The following FZD4 variants were observed in gnomAD, a reference collection of about 807,000 sequenced individuals.
The protein encoded by FZD4 is frizzled-4.
Under a neutral mutation model 37.3 loss-of-function variants are expected in FZD4, and 16 were observed. The observed-to-expected ratio is 0.43, with a 90% CI of 0.29 to 0.65. The LOEUF is 0.65. Among genes scored for constraint, FZD4 ranks in the 30% least tolerant of loss-of-function variants. The probability of loss-of-function intolerance (pLI) is 0.16; values close to 1 mark genes in which losing one functional copy is unlikely to be tolerated. For synonymous variants in FZD4, 246 were observed against 254.8 expected, an observed-to-expected ratio of 0.97 and a Z score of 0.33; for missense variants, 599 against 674.3, an observed-to-expected ratio of 0.89 and a Z score of 1.24.
rs1949325090 is a variant in FZD4 at position 86,955,069 on chromosome 11, G to A, written c.17C>T (p.Ala6Val). Residue 6 changes from alanine (A) to valine (V), a missense_variant, in exon 1 of 2, where the codon GCA becomes GTA. Around this residue, in one of 3 missense-constraint regions of FZD4, gnomAD observed 357 missense variants for 396.1 expected, o/e 0.90. Transcript: ENST00000531380. ...GGGCGCCCCCGGGACGCTCGGCCCT[G>A]CGCCCCGCCAGGCCATGGCCAGCAT... MAWRG[A>V]GPSVPGAPGG... 2.6e-6 allele frequency: 4 copies of A among 1,568,222 alleles called. No individual in the cohort carries two copies. The highest frequency in any genetic ancestry group is 3.4e-6 in the Non-Finnish European group (4 of 1,161,096).
chr11:86,951,079 A>T lies in FZD4; in HGVS notation c.*63T>A. 6.4e-7 allele frequency: 1 copy of T among 1,564,578 alleles called. No individual in the cohort carries two copies. Among genetic ancestry groups the T allele is most frequent in the Non-Finnish European group, 8.8e-7 (1 of 1,135,212 alleles). ...TTCACTGCATAAAACTTTTAGTAGAATTTCCTCCAAAATGCTGGCATTCCC... is the reference window on the plus strand; with the variant it reads ...TTCACTGCATAAAACTTTTAGTAGATTTTCCTCCAAAATGCTGGCATTCCC... On this transcript the variant is annotated 3_prime_UTR_variant, in exon 2 of 2. Transcript: ENST00000531380.
chr11:86,955,133 G>A lies in FZD4; in HGVS notation c.-48C>T. 1 of 1,387,526 alleles carries A rather than the reference G, an allele frequency of 7.2e-7. No individual in the cohort carries two copies. The highest frequency in any genetic ancestry group is 9.4e-7 in the Non-Finnish European group (1 of 1,068,316). The allele number at this position is 1,387,526 out of a possible 1,614,324, so 86.0% of individuals were successfully genotyped here. On this transcript the variant is annotated 5_prime_UTR_variant, in exon 1 of 2. Coordinates refer to ENST00000531380, the MANE Select transcript of FZD4 (RefSeq NM_012193.4). ...GGCAGCGGCTGGGGCTGCTCTGGCA[G>A]ACACCCCCAGTTTGCACGGGGGCGC... is the stretch of plus-strand genomic sequence containing the variant.
Position 86,947,288 on chromosome 11 carries a change from T to A in FZD4, c.*3854A>T, listed in dbSNP as rs2135033796. On this transcript the variant is annotated 3_prime_UTR_variant, in exon 2 of 2. Coordinates refer to ENST00000531380, the MANE Select transcript of FZD4 (RefSeq NM_012193.4). Reference sequence around the variant, plus strand: ...GTGCTCAATGGCTCCCTTCCCTAACTGCAGCTGTGGTCACCTCACCAGAAA... The same window carrying A: ...GTGCTCAATGGCTCCCTTCCCTAACAGCAGCTGTGGTCACCTCACCAGAAA... 1 of 159,548 alleles carries A rather than the reference T, an allele frequency of 6.3e-6. No individual in the cohort carries two copies. The highest frequency in any genetic ancestry group is 2.4e-5 in the African/African-American group (1 of 41,672). 9.9% of individuals were successfully genotyped at this position (159,548 alleles called of 1,614,324 possible).
In FZD4 at chr11:86,954,959, GCTCTTCCTCGTCC is replaced by G; in HGVS notation, c.114_126del (p.Asp39GlyfsTer18). 10 of 1,613,598 alleles carry G rather than the reference GCTCTTCCTCGTCC, an allele frequency of 6.2e-6. No homozygotes were observed. Among genetic ancestry groups the G allele is most frequent in the Non-Finnish European group, 7.6e-6 (9 of 1,179,884 alleles). On this transcript the variant is annotated frameshift_variant, in exon 1 of 2. Coordinates refer to ENST00000531380, the MANE Select transcript of FZD4 (RefSeq NM_012193.4). LOFTEE classifies it high-confidence loss of function. The stretch of plus-strand genomic sequence containing the variant: ...GAGATGCGGATGGGGTCGCAGCGCC[GCTCTTCCTCGTCC>G]CCGAAGCCCCGCGCCGGCCCCAGGA...
chr11:86,953,607 G>T (rs1590944622), intron 1 of FZD4, among the ~76,000 whole-genome samples: 1 of 151,976 alleles, frequency 6.6e-6, no homozygotes, highest in South Asian at 2.1e-4. Context: ...CAGAACCACA[G>T]ATTTCTTTTC....
At chr11:86,954,780 G>A (rs1363719108) in intron 1 of FZD4, 21 bp downstream of exon 1, 2 of 1,587,192 alleles carry the variant, frequency 1.3e-6, no homozygotes, top group African/African-American at 1.3e-5. Context: ...TCCCGCCAGG[G>A]GTGGGGGTGG....
chr11:86,953,887 T>A (rs1237037775), intron 1 of FZD4, among the ~76,000 whole-genome samples: 1 of 152,184 alleles, frequency 6.6e-6, no homozygotes, highest in Non-Finnish European at 1.5e-5. Context: ...AGTGCTGGGA[T>A]TACAGGCGTG....
intron 1 of FZD4, chr11:86,954,346 T>C (rs1949318603): frequency 1.0e-6 from 1 of 985,370 alleles, no homozygotes; most frequent in Non-Finnish European, 1.2e-6. Context: ...GAAGGGGCTA[T>C]TCAGCAGAAA....
rs537438989 is a variant in FZD4, at chr11:86,950,004, A to G, written c.*1138T>C. On this transcript the variant is annotated 3_prime_UTR_variant, in exon 2 of 2. Transcript: ENST00000531380. ...TTCTTATGCTTTAAAAAATAAAAAAATTTTTAAAGGCACTATCATTCTGAG... is the reference window on the plus strand; with the variant it reads ...TTCTTATGCTTTAAAAAATAAAAAAGTTTTTAAAGGCACTATCATTCTGAG... 1 of 152,414 alleles carries G rather than the reference A, an allele frequency of 6.6e-6. No individual in the cohort carries two copies. Among genetic ancestry groups the G allele is most frequent in the South Asian group, 2.1e-4 (1 of 4,828 alleles). 9.4% of individuals were successfully genotyped at this position (152,414 alleles called of 1,614,324 possible). A position where few individuals can be genotyped will look rare whatever the true frequency, so the allele number is the denominator to read the frequency against.
At chr11:86,953,684 C>A (rs1258957245) in intron 1 of FZD4, among the ~76,000 whole-genome samples, 2 of 151,944 alleles carry the variant, frequency 1.3e-5, no homozygotes, top group Non-Finnish European at 2.9e-5. Flanking sequence ...TGGTGCAATC[C>A]CCGCTCACTG....
In FZD4 at chr11:86,955,386, C is replaced by T. The variant is rs981635828; in HGVS notation, c.-301G>A. The T allele has an allele frequency of 5.0e-5, 14 of 279,104 alleles. No individual in the cohort carries two copies. The highest frequency in any genetic ancestry group is 8.6e-5 in the Non-Finnish European group (13 of 150,490). 17.3% of individuals were successfully genotyped at this position (279,104 alleles called of 1,614,324 possible). A position where few individuals can be genotyped will look rare whatever the true frequency, so the allele number is the denominator to read the frequency against. ...CGAGGCCAGCCAGCAGCCAGCGCTG[C>T]GCAGCTCTCACCGCCGGAGCCCTGC... On this transcript the variant is annotated 5_prime_UTR_variant, in exon 1 of 2. Transcript: ENST00000531380.
chr11:86,947,588 T>A lies in FZD4; in HGVS notation c.*3554A>T, dbSNP rs1342127049. On this transcript the variant is annotated 3_prime_UTR_variant, in exon 2 of 2. Transcript: ENST00000531380. Reference sequence around the variant, plus strand: ...TGGGAGAGGAAAATCAGAAAGCATCTCTGAAATTAAAAAAATGTCACCCCT... The same window carrying A: ...TGGGAGAGGAAAATCAGAAAGCATCACTGAAATTAAAAAAATGTCACCCCT... The A allele has an allele frequency of 6.6e-6, 1 of 152,162 alleles. No homozygotes were observed. The highest frequency in any genetic ancestry group is 1.5e-5 in the Non-Finnish European group (1 of 68,084). The allele number at this position is 152,162 out of a possible 1,614,324, so 9.4% of individuals were successfully genotyped here.
rs768939073 is a variant in FZD4, at chr11:86,952,241, T to C, written c.515A>G (p.Lys172Arg). 11 of 1,614,094 alleles carry C rather than the reference T, an allele frequency of 6.8e-6. No individual in the cohort carries two copies. The South Asian group carries it at 1.2e-4, about 18-fold the overall frequency. Reference protein sequence around the residue: ...PGDEEVPLPHKTPIQPGEECH... With the variant: ...PGDEEVPLPHRTPIQPGEECH... ...CTCTTCCCCAGGCTGGATGGGGGTT[T>C]TGTGAGGTAAGGGCACCTCTTCATC... Residue 172 changes from lysine to arginine, a missense_variant, in exon 2 of 2, where the codon AAA becomes AGA. Lys to Arg is a conservative substitution (Grantham distance 26). This residue lies in a region of FZD4 where 357 missense variants were observed against 396.1 expected (regional missense o/e 0.90). Transcript: ENST00000531380.
chr11:86,949,553 A>G lies in FZD4; in HGVS notation c.*1589T>C, dbSNP rs932874913. 6.6e-6 allele frequency: 1 copy of G among 152,552 alleles called. No individual in the cohort carries two copies. Among genetic ancestry groups the G allele is most frequent in the African/African-American group, 2.4e-5 (1 of 41,466 alleles). The allele number at this position is 152,552 out of a possible 1,614,324, so 9.4% of individuals were successfully genotyped here. A position where few individuals can be genotyped will look rare whatever the true frequency, so the allele number is the denominator to read the frequency against. On this transcript the variant is annotated 3_prime_UTR_variant, in exon 2 of 2. Coordinates refer to ENST00000531380, the MANE Select transcript of FZD4 (RefSeq NM_012193.4). Reference sequence around the variant, plus strand: ...CTGTGACATAGTCAATTTGTCCCCAAGATCTCATGATTAGAACGCCTAAGG... The same window carrying G: ...CTGTGACATAGTCAATTTGTCCCCAGGATCTCATGATTAGAACGCCTAAGG...
chr11:86,955,028 T>C lies in FZD4; in HGVS notation c.58A>G (p.Ser20Gly). The C allele has an allele frequency of 6.2e-7, 1 of 1,610,390 alleles. No individual in the cohort carries two copies. The highest frequency in any genetic ancestry group is 1.7e-5 in the Admixed American group (1 of 59,896). Residue 20 changes from serine to glycine, a missense_variant, in exon 1 of 2, where the codon AGT (serine) becomes GGT (glycine). By Grantham distance (56) the Ser-to-Gly change is moderately conservative (BLOSUM62 0). Transcript: ENST00000531380. ...AGCAACTGCAGGAGCAACCCCAGACTGAGACCGACGCCCCCGGGCGCCCCC... is the reference window on the plus strand; with the variant it reads ...AGCAACTGCAGGAGCAACCCCAGACCGAGACCGACGCCCCCGGGCGCCCCC... The part of the protein sequence containing the change: ...VPGAPGGVGL[S>G]LGLLLQLLLL...
In FZD4 at chr11:86,946,104, CTG is replaced by C. The variant is rs796761368; in HGVS notation, c.*5036_*5037del. The C allele has an allele frequency of 1.3e-5, 2 of 152,624 alleles. No homozygotes were observed. The highest frequency in any genetic ancestry group is 2.4e-5 in the African/African-American group (1 of 41,544). 9.5% of individuals were successfully genotyped at this position (152,624 alleles called of 1,614,324 possible). A position where few individuals can be genotyped will look rare whatever the true frequency, so the allele number is the denominator to read the frequency against. On this transcript the variant is annotated 3_prime_UTR_variant, in exon 2 of 2. Coordinates refer to ENST00000531380, the MANE Select transcript of FZD4 (RefSeq NM_012193.4). ...GACCTTTTCAAGCCTCACAACATCCCTGTGAGGTAGACAAAATTCAGAAACAC... is the reference window on the plus strand; with the variant it reads ...GACCTTTTCAAGCCTCACAACATCCCTGAGGTAGACAAAATTCAGAAACAC...
In FZD4 at chr11:86,954,672, G is replaced by C. The variant is rs1377789906; in HGVS notation, c.285+129C>G. 4 of 1,440,608 alleles carry C rather than the reference G, an allele frequency of 2.8e-6. No individual in the cohort carries two copies. In the African/African-American group the frequency reaches 4.3e-5, roughly 15 times the overall value. The allele number at this position is 1,440,608 out of a possible 1,614,324, so 89.2% of individuals were successfully genotyped here. On this transcript the variant is annotated intron_variant, in intron 1 of 1. Transcript: ENST00000531380. ...TCCCTGAGAAAGTGGGGGTGGGGATGGAAATCACTTTTCCAGGAGAGCTGT... is the reference window on the plus strand; with the variant it reads ...TCCCTGAGAAAGTGGGGGTGGGGATCGAAATCACTTTTCCAGGAGAGCTGT...
chr11:86,952,386 C>T lies in FZD4; in HGVS notation c.370G>A (p.Val124Ile), dbSNP rs919205099. Residue 124 changes from valine to isoleucine, a missense_variant, in exon 2 of 2, where the codon GTC becomes ATC. Physicochemically the swap from Val to Ile is conservative, Grantham distance 29. Around this residue, in one of 3 missense-constraint regions of FZD4, gnomAD observed 357 missense variants for 396.1 expected, o/e 0.90. Coordinates refer to ENST00000531380, the MANE Select transcript of FZD4 (RefSeq NM_012193.4). ...IGPCGGMCLS[V>I]KRRCEPVLKE... ...AGGACGGGTTCACAGCGTCTCTTGA[C>T]TGAAAGACACATGCCGCCGCATGGG... The T allele has an allele frequency of 2.5e-6, 4 of 1,614,204 alleles. No homozygotes were observed. The highest frequency in any genetic ancestry group is 3.4e-6 in the Non-Finnish European group (4 of 1,180,050).
Position 86,950,422 on chromosome 11 carries a change from A to G in FZD4, c.*720T>C, listed in dbSNP as rs1008567356. On this transcript the variant is annotated 3_prime_UTR_variant, in exon 2 of 2. Transcript: ENST00000531380. Reference sequence around the variant, plus strand: ...GTCATTAACATAAAATGAAGAAAACAGCAGCAGCCAAGAAGAGAGATGTTG... The same window carrying G: ...GTCATTAACATAAAATGAAGAAAACGGCAGCAGCCAAGAAGAGAGATGTTG... The G allele has an allele frequency of 6.5e-6, 1 of 152,730 alleles. No individual in the cohort carries two copies. The highest frequency in any genetic ancestry group is 1.5e-5 in the Non-Finnish European group (1 of 68,090). 9.5% of individuals were successfully genotyped at this position (152,730 alleles called of 1,614,324 possible).
Sources: gnomAD v4.1 joint callset for allele counts (sites outside exome capture counted in the v4.1 genomes callset) on GRCh38, gnomAD v4.1.1 for gene constraint, gnomAD v4.1.1 regional missense constraint, MANE v1.5 for transcripts, NCBI Gene and HGNC (gene_info 2026-07-23, HGNC 2026-07-21) for gene names.